Variants in ATG2B observed in about 807,000 individuals in gnomAD.
ATG2B encodes the protein autophagy-related protein 2 homolog B.
In ATG2B, 121 loss-of-function variants were observed where a neutral mutation model predicts 241.3. The ratio of observed to expected loss-of-function variants is 0.50; its 90% confidence interval spans 0.43 to 0.58. The LOEUF is 0.58. Among genes scored for constraint, ATG2B ranks in the 20% least tolerant of loss-of-function variants. The pLI, the probability that ATG2B is intolerant of heterozygous loss-of-function variation, is 0.00. For synonymous variants in ATG2B, 858 were observed against 876.6 expected (o/e 0.98, Z 0.37); for missense variants, 2,306 against 2,491.6 (o/e 0.93, Z 1.59).
chr14:96,321,820 A>G (rs947337142), intron 18 of ATG2B, among the ~76,000 whole-genome samples: 1 of 152,206 alleles, frequency 6.6e-6, no homozygotes, highest in Non-Finnish European at 1.5e-5. Context: ...GTCACTGCAC[A>G]TAAAGAAAAA....
intron 6 of ATG2B, among the ~76,000 whole-genome samples, chr14:96,338,376 G>C (rs1425698084): frequency 6.6e-6 from 1 of 152,090 alleles, no homozygotes; most frequent in Non-Finnish European, 1.5e-5. Context: ...TTCTCAGGGG[G>C]AATGCTTTCA....
chr14:96,332,876 T>G (rs1272796422), intron 8 of ATG2B, among the ~76,000 whole-genome samples: 1 of 152,170 alleles, frequency 6.6e-6, no homozygotes. Context: ...GCTACCCTAC[T>G]GATGAACATG....
chr14:96,362,774 G>A (rs990871714), intron 1 of ATG2B, 41 bp downstream of exon 1: 2 of 1,576,522 alleles, frequency 1.3e-6, no homozygotes, highest in Admixed American at 1.9e-5. Flanking sequence ...GCCCTAAAGA[G>A]GGGAGCGAGC....
chr14:96,305,734 T>C lies in ATG2B; in HGVS notation c.4588A>G (p.Asn1530Asp), dbSNP rs752981061. The change falls in exon 31 of 42, where the codon AAT becomes GAT. Residue 1530 changes from asparagine (N) to aspartate (D), a missense_variant. Asn to Asp is a conservative substitution (Grantham distance 23). Coordinates refer to ENST00000359933, the MANE Select transcript of ATG2B (RefSeq NM_018036.7). ...IRDNYFSLPV[N>D]KTDTSKAPLH... ...GGGGCTTTGCTCGTATCGGTCTTATTAACGGGCAGACTGAAATAATTGTCT... is the reference window on the plus strand; with the variant it reads ...GGGGCTTTGCTCGTATCGGTCTTATCAACGGGCAGACTGAAATAATTGTCT... The C allele has an allele frequency of 1.9e-6, 3 of 1,614,058 alleles. No individual in the cohort carries two copies. The African/African-American group carries it at 4.0e-5, about 22-fold the overall frequency.
intron 1 of ATG2B, among the ~76,000 whole-genome samples, chr14:96,347,996 A>G (rs536817253): frequency 2.0e-5 from 3 of 152,336 alleles, no homozygotes; most frequent in African/African-American, 4.8e-5. Flanking sequence ...ATAGCCCCCA[A>G]AAAAGGAAAT....
At chr14:96,334,037 T>A (rs929530170) in intron 7 of ATG2B, among the ~76,000 whole-genome samples, 164 bp from the exon 8 acceptor site, 1 of 152,204 alleles carries the variant, frequency 6.6e-6, no homozygotes, top group Admixed American at 6.5e-5. Flanking sequence ...TTTAAGCAAC[T>A]AGCCAGGAAT....
rs1306812440 is a variant in ATG2B, at chr14:96,328,680, C to T, written c.1968G>A (p.Gly656=). The change falls in exon 13 of 42, where the codon GGG becomes GGA. Residue 656 remains glycine, a synonymous_variant. Transcript: ENST00000359933. ...QLHYKHSENR[G]PQGNQARLSS... is the part of the protein sequence containing the mutation. ...ATAGAAAAAGATCTCTTACCTGGGGCCCTCTATTCTCAGAATGCTTATAAT... is the reference window on the plus strand; with the variant it reads ...ATAGAAAAAGATCTCTTACCTGGGGTCCTCTATTCTCAGAATGCTTATAAT... 6.3e-7 allele frequency: 1 copy of T among 1,599,744 alleles called. No individual in the cohort carries two copies. The highest frequency in any genetic ancestry group is 1.4e-5 in the African/African-American group (1 of 73,998).
chr14:96,335,387 C>A (rs999763630), intron 6 of ATG2B, among the ~76,000 whole-genome samples: 1 of 152,084 alleles, frequency 6.6e-6, no homozygotes, highest in African/African-American at 2.4e-5. Flanking sequence ...ATCAAATAAA[C>A]TACATAATGA....
At chr14:96,335,215 CCTTA>C (rs756316538) in intron 6 of ATG2B, among the ~76,000 whole-genome samples, 187 of 152,264 alleles carry the variant, frequency 1.2e-3, no homozygotes, top group Middle Eastern at 3.4e-3. Flanking sequence ...AATATCCCTG[CCTTA>C]CTTTTCATTC....
At position 96,290,881 on chromosome 14, in the gene ATG2B, GTCATTAAGCCAC is replaced by G; in HGVS notation, c.5622_5633del (p.Glu1874_Asn1877del). On this transcript the variant is annotated inframe_deletion, in exon 39 of 42. Transcript: ENST00000359933. This position sits in a 1 kb window ranked among gnomAD's most constrained non-coding sequence, Gnocchi z 4.4. ...TTCCTGGTAGCTGGTTCTTCTTAATGTCATTAAGCCACTCAGTGATTGCATATGAGAATAATT... is the reference window on the plus strand; with the variant it reads ...TTCCTGGTAGCTGGTTCTTCTTAATGTCAGTGATTGCATATGAGAATAATT... The G allele has an allele frequency of 6.2e-7, 1 of 1,613,774 alleles. No homozygotes were observed. Among genetic ancestry groups the G allele is most frequent in the Non-Finnish European group, 8.5e-7 (1 of 1,179,746 alleles).
intron 6 of ATG2B, among the ~76,000 whole-genome samples, chr14:96,334,780 T>C (rs1216882238): frequency 6.6e-6 from 1 of 152,206 alleles, no homozygotes; most frequent in African/African-American, 2.4e-5. Flanking sequence ...TTAAAAGTAT[T>C]TGAGGAGGAC....
At position 96,325,810 on chromosome 14, in the gene ATG2B, G is replaced by C; in HGVS notation, c.2276C>G (p.Pro759Arg). The change falls in exon 15 of 42, where the codon CCT becomes CGT. Residue 759 changes from proline (P) to arginine (R), a missense_variant. This residue lies in a region of ATG2B where 1,927 missense variants were observed against 2,011.2 expected (regional missense o/e 0.96). Coordinates refer to ENST00000359933, the MANE Select transcript of ATG2B (RefSeq NM_018036.7). ...ALNLSVRFPI[P>R]DLRSDQERGP... Reference sequence around the variant, plus strand: ...TCTTTCTTGATCAGATCGAAGATCAGGTATTGGGAAGCGAACAGAAAGGTT... The same window carrying C: ...TCTTTCTTGATCAGATCGAAGATCACGTATTGGGAAGCGAACAGAAAGGTT... 6.2e-7 allele frequency: 1 copy of C among 1,614,006 alleles called. No individual in the cohort carries two copies. Among genetic ancestry groups the C allele is most frequent in the South Asian group, 1.1e-5 (1 of 91,084 alleles).
At chr14:96,309,909 A>G (rs377024791) in intron 28 of ATG2B, among the ~76,000 whole-genome samples, 3 of 152,184 alleles carry the variant, frequency 2.0e-5, no homozygotes, top group African/African-American at 7.2e-5. Context: ...GGATAACTAA[A>G]TAAGTTTGAT....
At position 96,305,615 on chromosome 14, in the gene ATG2B, A is replaced by C; in HGVS notation, c.4707T>G (p.Pro1569=). The C allele has an allele frequency of 8.1e-6, 13 of 1,613,154 alleles. No homozygotes were observed. The highest frequency in any genetic ancestry group is 1.1e-5 in the Non-Finnish European group (13 of 1,179,106). The change falls in exon 31 of 42, where the codon CCT becomes CCG. Residue 1569 remains proline, a synonymous_variant. Coordinates refer to ENST00000359933, the MANE Select transcript of ATG2B (RefSeq NM_018036.7). ...LYGGKDFGIV[P]PTSPAKSYIS... ...TATAACTTTTAGCCGGAGAAGTGGG[A>C]GGGACTATTCCAAAATCCTTTCCTC... is the stretch of plus-strand genomic sequence containing the variant.
chr14:96,354,420 C>T (rs1161524483), intron 1 of ATG2B, among the ~76,000 whole-genome samples: 1 of 152,200 alleles, frequency 6.6e-6, no homozygotes, highest in South Asian at 2.1e-4. Context: ...ATAACGGCTT[C>T]CAGCTCCATC....
chr14:96,295,705 A>T, intron 34 of ATG2B, 145 bp from the exon 35 acceptor site: 3 of 383,746 alleles, frequency 7.8e-6, no homozygotes, highest in East Asian at 4.9e-5. Context: ...CATGCTAGTC[A>T]TTATTCCTAT....
At position 96,363,077 on chromosome 14, in the gene ATG2B, G is replaced by T. The variant is rs531724699; in HGVS notation, c.-101C>A. On this transcript the variant is annotated 5_prime_UTR_variant, in exon 1 of 42. Coordinates refer to ENST00000359933, the MANE Select transcript of ATG2B (RefSeq NM_018036.7). ...CAGGCCGCGGCGGGGCCTAAGCCTG[G>T]GGCGGCCCCTCCATCCCTATTTGGT... is the stretch of plus-strand genomic sequence containing the variant. The T allele has an allele frequency of 7.8e-5, 108 of 1,386,916 alleles. 1 individual carries two copies. In the Middle Eastern group the frequency reaches 1.5e-3, roughly 19 times the overall value. 85.9% of individuals were successfully genotyped at this position (1,386,916 alleles called of 1,614,324 possible).
intron 30 of ATG2B, 62 bp from the exon 31 acceptor site, chr14:96,305,877 G>A: frequency 7.7e-7 from 1 of 1,303,292 alleles, no homozygotes; most frequent in Admixed American, 1.8e-5. Flanking sequence ...TGATTATGCT[G>A]CACATCTCAA....
At chr14:96,359,350 T>G (rs1295659873) in intron 1 of ATG2B, among the ~76,000 whole-genome samples, 1 of 151,388 alleles carries the variant, frequency 6.6e-6, no homozygotes, top group Non-Finnish European at 1.5e-5. Context: ...TGCACTCCAG[T>G]CTGGGTGACA....
Sources: gnomAD v4.1 joint callset for allele counts (sites outside exome capture counted in the v4.1 genomes callset) on GRCh38, gnomAD v4.1.1 for gene constraint, gnomAD v4.1.1 regional missense constraint, Gnocchi (gnomAD v3.1) non-coding constraint, MANE v1.5 for transcripts, NCBI Gene and HGNC (gene_info 2026-07-23, HGNC 2026-07-21) for gene names.